TYK2: variants seen among roughly 807,000 people sequenced by gnomAD.
TYK2 encodes the protein non-receptor tyrosine-protein kinase TYK2.
Under a neutral mutation model 130.9 loss-of-function variants are expected in TYK2, and 65 were observed. The ratio of observed to expected loss-of-function variants is 0.50; its 90% CI spans 0.41 to 0.61. The LOEUF is 0.61. Ranked by LOEUF, TYK2 falls within the 20% of genes least tolerant of loss-of-function variation. TYK2 has a pLI of 0.00. For synonymous variants in TYK2, 647 were observed against 658.9 expected, an observed-to-expected ratio of 0.98 and a Z score of 0.28; for missense variants, 1,378 against 1,610.7, an observed-to-expected ratio of 0.86 and a Z score of 2.47.
chr19:10,351,605 T>C (rs1199348350), intron 23 of TYK2: 1 of 242,092 alleles, frequency 4.1e-6, no homozygotes, highest in African/African-American at 2.2e-5. Flanking sequence ...TCTGGGCCTG[T>C]TTTCTCATCC....
rs1457383762 is a variant in TYK2, at chr19:10,361,799, G to A, written c.1930C>T (p.Leu644=). 4 of 1,613,654 alleles carry A rather than the reference G, an allele frequency of 2.5e-6. No individual in the cohort carries two copies. The highest frequency in any genetic ancestry group is 2.2e-5 in the East Asian group (1 of 44,870). ...GQELRVVLKV[L]DPSHHDIALA... ...GCGATGTCATGGTGACTAGGGTCCA[G>A]CACTTTGAGCACCACTCGTAGCTCC... Residue 644 remains leucine (L), a synonymous_variant, in exon 13 of 25, where the codon CTG becomes TTG. Coordinates refer to ENST00000525621, the MANE Select transcript of TYK2 (RefSeq NM_003331.5). This position sits in a 1 kb window ranked among gnomAD's most constrained non-coding sequence, Gnocchi z 4.0.
At position 10,351,107 on chromosome 19, in the gene TYK2, G is replaced by A. The variant is rs771744174; in HGVS notation, c.3374C>T (p.Thr1125Ile). 1.2e-6 allele frequency: 2 copies of A among 1,614,166 alleles called. No individual in the cohort carries two copies. Among genetic ancestry groups the A allele is most frequent in the East Asian group, 4.5e-5 (2 of 44,884 alleles). ...AQGQMTVLRL[T>I]ELLERGERLP... ...CCTCTCCCCTCGTTCCAGCAACTCA[G>A]TGAGTCTCAGAACTGTCATCTGACC... The change falls in exon 24 of 25, where the codon ACT becomes ATT. Residue 1125 changes from threonine to isoleucine, a missense_variant. Transcript: ENST00000525621.
chr19:10,365,533 T>A lies in TYK2; in HGVS notation c.995A>T (p.Glu332Val). The change falls in exon 7 of 25, where the codon GAG becomes GTG. Residue 332 changes from glutamate to valine, a missense_variant. By Grantham distance (121) the Glu-to-Val change is moderately radical. Coordinates refer to ENST00000525621, the MANE Select transcript of TYK2 (RefSeq NM_003331.5). ...CTTGCTCACCTCCTCCTTGTTCACC[T>A]CCTCCTCTACTGGCCACCACTGGAT... Reference protein sequence around the residue: ...GGIQWWPVEEEVNKEEGSSGS... With the variant: ...GGIQWWPVEEVVNKEEGSSGS... 6.2e-7 allele frequency: 1 copy of A among 1,613,836 alleles called. No homozygotes were observed. The highest frequency in any genetic ancestry group is 2.2e-5 in the East Asian group (1 of 44,834).
intron 9 of TYK2, among the ~76,000 whole-genome samples, chr19:10,362,878 G>A (rs1232616819): frequency 6.6e-6 from 1 of 152,072 alleles, no homozygotes; most frequent in Admixed American, 6.6e-5. Context: ...TTATTTGTTT[G>A]TATTTTTTAG....
chr19:10,374,079 G>A (rs1162939896), intron 3 of TYK2, among the ~76,000 whole-genome samples: 3 of 151,810 alleles, frequency 2.0e-5, no homozygotes, highest in East Asian at 1.9e-4. Flanking sequence ...ATCCTGGCTA[G>A]CACAGTGAAA....
In TYK2 at chr19:10,380,377, C is replaced by T. The variant is rs1016169737; in HGVS notation, c.-186+3G>A. On this transcript the variant is annotated splice_donor_region_variant and intron_variant, in intron 1 of 24. Coordinates refer to ENST00000525621, the MANE Select transcript of TYK2 (RefSeq NM_003331.5). The stretch of plus-strand genomic sequence containing the variant: ...AACGGCGGGAACTGGGATGTGCACC[C>T]ACCGGGCATCGGAGCAGTCCCGAGG... The T allele has an allele frequency of 6.6e-6, 1 of 152,526 alleles. No individual in the cohort carries two copies. Among genetic ancestry groups the T allele is most frequent in the Non-Finnish European group, 1.5e-5 (1 of 68,148 alleles). 9.4% of individuals were successfully genotyped at this position (152,526 alleles called of 1,614,324 possible).
At chr19:10,360,022 A>G (rs572613345) in intron 14 of TYK2, among the ~76,000 whole-genome samples, 79 of 150,622 alleles carry the variant, frequency 5.2e-4, no homozygotes, top group Middle Eastern at 3.4e-3. Context: ...AAAAGAAGAA[A>G]AAAAAAAAAA....
Position 10,380,571 on chromosome 19 carries a change from T to C in TYK2, c.-377A>G, listed in dbSNP as rs1219509506. The C allele has an allele frequency of 1.3e-5, 2 of 152,320 alleles. No homozygotes were observed. Among genetic ancestry groups the C allele is most frequent in the East Asian group, 1.9e-4 (1 of 5,322 alleles). The allele number at this position is 152,320 out of a possible 1,614,324, so 9.4% of individuals were successfully genotyped here. A position where few individuals can be genotyped will look rare whatever the true frequency, so the allele number is the denominator to read the frequency against. On this transcript the variant is annotated 5_prime_UTR_variant, in exon 1 of 25. Coordinates refer to ENST00000525621, the MANE Select transcript of TYK2 (RefSeq NM_003331.5). The stretch of plus-strand genomic sequence containing the variant: ...CCCCGCTCCCGCGGGTAGCTACTGC[T>C]TGTCCCCCGCCGAGACGCCTCCTCC...
chr19:10,355,669 A>G (rs12720313), intron 18 of TYK2, among the ~76,000 whole-genome samples: 3,929 of 150,858 alleles, frequency 0.026, 185 homozygotes, highest in African/African-American at 0.091. Context: ...GAAAGAAAAA[A>G]AAAAAGAAAA....
intron 7 of TYK2, 129 bp downstream of exon 7, chr19:10,365,388 C>A: frequency 7.1e-7 from 1 of 1,415,256 alleles, no homozygotes; most frequent in Non-Finnish European, 9.8e-7. Flanking sequence ...CCCTAGCGGA[C>A]AGGTGCCCCA....
chr19:10,365,512 CTCACCTCCTCCTTGT>C lies in TYK2; in HGVS notation c.1001_1011+4del, dbSNP rs753166309. On this transcript the variant is annotated splice_donor_variant and splice_donor_region_variant and coding_sequence_variant and intron_variant, in exon 7 of 25. Transcript: ENST00000525621. LOFTEE classifies it high-confidence loss of function. ...CCCCCAGGGCGGAAGGGGCGCCTTG[CTCACCTCCTCCTTGT>C]TCACCTCCTCCTCTACTGGCCACCA... 2.0e-5 allele frequency: 32 copies of C among 1,613,828 alleles called. No individual in the cohort carries two copies. The South Asian group carries it at 2.7e-4, about 14-fold the overall frequency.
At chr19:10,367,629 A>C (rs542067375) in intron 5 of TYK2, among the ~76,000 whole-genome samples, 1 of 151,414 alleles carries the variant, frequency 6.6e-6, no homozygotes, top group Non-Finnish European at 1.5e-5. Flanking sequence ...CATTTCAAAA[A>C]AAAAAGATCG....
intron 3 of TYK2, among the ~76,000 whole-genome samples, chr19:10,376,377 G>A (rs537867261): frequency 4.7e-5 from 5 of 105,270 alleles, no homozygotes; most frequent in Admixed American, 2.1e-4. Flanking sequence ...CTGTGATCTC[G>A]GCTCACTGCA....
In TYK2 at chr19:10,350,557, A is replaced by G; in HGVS notation, c.*277T>C. The G allele has an allele frequency of 2.0e-6, 1 of 501,520 alleles. No homozygotes were observed. The highest frequency in any genetic ancestry group is 3.4e-5 in the East Asian group (1 of 29,434). 31.1% of individuals were successfully genotyped at this position (501,520 alleles called of 1,614,324 possible). A position where few individuals can be genotyped will look rare whatever the true frequency, so the allele number is the denominator to read the frequency against. ...GCAGAGAAAACATGAGTTTATTACC[A>G]GATGGTGGAGATGGTGGGCCTCAAG... is the stretch of plus-strand genomic sequence containing the variant. On this transcript the variant is annotated 3_prime_UTR_variant, in exon 25 of 25. Coordinates refer to ENST00000525621, the MANE Select transcript of TYK2 (RefSeq NM_003331.5).
rs1226130738 is a variant in TYK2 at position 10,361,112 on chromosome 19, G to A, written c.2047+399C>T. ...GAAGAGGTGGGGTTAGGCAGGGTTGGATGTGCAGGGGCTGAGGCCTAGGAG... is the reference window on the plus strand; with the variant it reads ...GAAGAGGTGGGGTTAGGCAGGGTTGAATGTGCAGGGGCTGAGGCCTAGGAG... On this transcript the variant is annotated intron_variant, in intron 14 of 24. Transcript: ENST00000525621. This position sits in a 1 kb window ranked among gnomAD's most constrained non-coding sequence, Gnocchi z 4.0. 4.1e-6 allele frequency: 2 copies of A among 490,926 alleles called. No homozygotes were observed. Among genetic ancestry groups the A allele is most frequent in the Non-Finnish European group, 7.9e-6 (2 of 251,962 alleles). The allele number at this position is 490,926 out of a possible 1,614,324, so 30.4% of individuals were successfully genotyped here.
chr19:10,353,678 A>G lies in TYK2; in HGVS notation c.2909-32T>C, dbSNP rs1022176322. On this transcript the variant is annotated intron_variant, in intron 20 of 24. Transcript: ENST00000525621. This position sits in a 1 kb window ranked among gnomAD's most constrained non-coding sequence, Gnocchi z 6.9. ...CGGAGAGGGGCGGCCCCGGTGGGGG[A>G]CGATAGAGGGCGGGCCGGGGACCGC... 7 of 1,442,202 alleles carry G rather than the reference A, an allele frequency of 4.9e-6. No homozygotes were observed. The South Asian group carries it at 6.1e-5, about 13-fold the overall frequency. The allele number at this position is 1,442,202 out of a possible 1,614,324, so 89.3% of individuals were successfully genotyped here. A position where few individuals can be genotyped will look rare whatever the true frequency, so the allele number is the denominator to read the frequency against.
chr19:10,354,405 G>T, intron 19 of TYK2, 107 bp downstream of exon 19: 1 of 1,359,120 alleles, frequency 7.4e-7, no homozygotes, highest in Non-Finnish European at 1.0e-6. Flanking sequence ...AAAGCAGAGG[G>T]TCCCACCCAC....
At chr19:10,355,399 G>C (rs1489175158) in intron 18 of TYK2, among the ~76,000 whole-genome samples, 1 of 152,244 alleles carries the variant, frequency 6.6e-6, no homozygotes, top group Non-Finnish European at 1.5e-5. Flanking sequence ...CAACACTTTG[G>C]GAGGCTGAGG....
chr19:10,353,787 T>C lies in TYK2; in HGVS notation c.2909-141A>G, dbSNP rs1394842000. 1.4e-6 allele frequency: 1 copy of C among 699,870 alleles called. No individual in the cohort carries two copies. Among genetic ancestry groups the C allele is most frequent in the Non-Finnish European group, 2.3e-6 (1 of 426,110 alleles). The allele number at this position is 699,870 out of a possible 1,614,324, so 43.4% of individuals were successfully genotyped here. A position where few individuals can be genotyped will look rare whatever the true frequency, so the allele number is the denominator to read the frequency against. On this transcript the variant is annotated intron_variant, in intron 20 of 24. Transcript: ENST00000525621. The surrounding 1 kb of genome is among the most constrained non-coding windows in gnomAD (Gnocchi z 6.9). ...CACTAGACCCAGTTCTCAGGTGGGA[T>C]GGACCCATCCAGAACCCCATTCTCA...
Sources: gnomAD v4.1 joint callset for allele counts (sites outside exome capture counted in the v4.1 genomes callset) on GRCh38, gnomAD v4.1.1 for gene constraint, Gnocchi (gnomAD v3.1) non-coding constraint, MANE v1.5 for transcripts, NCBI Gene and HGNC (gene_info 2026-07-23, HGNC 2026-07-21) for gene names.